The following MAP4K4 variants were observed in gnomAD, a reference collection of about 807,000 sequenced individuals.
MAP4K4 encodes the protein HPK/GCK-like kinase HGK.
Under a neutral mutation model 189.6 loss-of-function variants are expected in MAP4K4, and 38 were observed. That is an observed-to-expected ratio of 0.20 (90% confidence interval 0.15 to 0.26). The LOEUF (loss-of-function observed/expected upper bound fraction) is 0.26. MAP4K4 is among the 10% of genes least tolerant of loss of function. The pLI, the probability that MAP4K4 is intolerant of heterozygous loss-of-function variation, is 1.00. For synonymous variants in MAP4K4, 610 were observed against 624.3 expected (o/e 0.98, Z 0.34); for missense variants, 1,054 against 1,726.9 (o/e 0.61, Z 6.91).
At chr2:101,745,741 G>C (rs145932640) in intron 2 of MAP4K4, among the ~76,000 whole-genome samples, 5 of 152,172 alleles carry the variant, frequency 3.3e-5, no homozygotes, top group African/African-American at 1.2e-4. Flanking sequence ...GGTTAAAACT[G>C]CTTGTCTGGT....
intron 2 of MAP4K4, among the ~76,000 whole-genome samples, chr2:101,714,644 A>G (rs1158595465): frequency 6.6e-6 from 1 of 152,194 alleles, no homozygotes; most frequent in African/African-American, 2.4e-5. Flanking sequence ...CTAAATCAAA[A>G]TGGAAATTAA....
At chr2:101,770,929 C>T (rs538087805) in intron 2 of MAP4K4, among the ~76,000 whole-genome samples, 2 of 152,170 alleles carry the variant, frequency 1.3e-5, no homozygotes, top group Admixed American at 6.5e-5. Flanking sequence ...ACATGCTTCT[C>T]GAGTGTCCTG....
intron 12 of MAP4K4, among the ~76,000 whole-genome samples, chr2:101,855,463 T>C (rs1166974406): frequency 6.6e-6 from 1 of 152,216 alleles, no homozygotes; most frequent in African/African-American, 2.4e-5. Flanking sequence ...AAGCATTTGC[T>C]CAGTAGCAGT....
intron 3 of MAP4K4, among the ~76,000 whole-genome samples, chr2:101,805,254 A>G (rs1295608312): frequency 6.6e-6 from 1 of 152,054 alleles, no homozygotes; most frequent in African/African-American, 2.4e-5. Context: ...GAGTGCCCTG[A>G]TATGCCTCTT....
At chr2:101,698,199 G>A (rs2035533075) in intron 1 of MAP4K4, 62 bp downstream of exon 1, 4 of 564,532 alleles carry the variant, frequency 7.1e-6, no homozygotes, top group South Asian at 6.3e-5. Context: ...AGCCGGGGCC[G>A]CGCCCAGGTC....
rs528914832 is a variant in MAP4K4, at chr2:101,719,763, G to A, written c.123+21225G>A. On this transcript the variant is annotated intron_variant, in intron 2 of 32. Coordinates refer to ENST00000324219, the Ensembl canonical transcript of MAP4K4. ...GTGGTGGCTCACGCCTGTAATCCCA[G>A]TGCACTTGGGGAGGCTGAGGTGGGT... Among the ~76,000 whole-genome samples, 13 of 152,294 alleles carry A rather than the reference G, an allele frequency of 8.5e-5. No homozygotes were observed. In the East Asian group the frequency reaches 1.5e-3, roughly 18 times the overall value.
chr2:101,707,870 T>G (rs2043208832), intron 2 of MAP4K4, among the ~76,000 whole-genome samples: 1 of 151,438 alleles, frequency 6.6e-6, no homozygotes, highest in Non-Finnish European at 1.5e-5. Context: ...TTTTTTTTTT[T>G]TTTGTATTTT....
In MAP4K4 at chr2:101,699,868, C is replaced by T. The variant is rs145064310; in HGVS notation, c.123+1330C>T. ...GATTTTTGAATTTGAAAGAGAGCCC[C>T]GTTAACTCAGCTTGCCCGGCTCAAC... On this transcript the variant is annotated intron_variant, in intron 2 of 32. Coordinates refer to ENST00000324219, the Ensembl canonical transcript of MAP4K4. 1.3e-3 allele frequency among the ~76,000 whole-genome samples: 194 copies of T among 152,228 alleles called. 1 individual carries two copies. The highest frequency in any genetic ancestry group is 4.6e-3 in the African/African-American group (190 of 41,538).
At chr2:101,705,448 A>G (rs2041821956) in intron 2 of MAP4K4, among the ~76,000 whole-genome samples, 1 of 152,208 alleles carries the variant, frequency 6.6e-6, no homozygotes, top group Non-Finnish European at 1.5e-5. Context: ...AACAGCACAT[A>G]CTGCAATGTG....
intron 9 of MAP4K4, among the ~76,000 whole-genome samples, chr2:101,836,745 A>G (rs2096767601): frequency 6.6e-6 from 1 of 152,210 alleles, no homozygotes; most frequent in Non-Finnish European, 1.5e-5. Flanking sequence ...ATTAAACAGA[A>G]TGGTTTTATA....
intron 9 of MAP4K4, among the ~76,000 whole-genome samples, chr2:101,839,532 A>G (rs190143106): frequency 4.1e-4 from 63 of 152,296 alleles, no homozygotes; most frequent in Admixed American, 1.6e-3. Context: ...TTAATGTGCA[A>G]TATTAGATTT....
At chr2:101,730,015 G>C (rs1411031678) in intron 2 of MAP4K4, among the ~76,000 whole-genome samples, 1 of 152,190 alleles carries the variant, frequency 6.6e-6, no homozygotes, top group Non-Finnish European at 1.5e-5. Context: ...GAGTGCTCCA[G>C]CATGAGACGG....
At chr2:101,758,350 C>T (rs1362672411) in intron 2 of MAP4K4, among the ~76,000 whole-genome samples, 1 of 152,112 alleles carries the variant, frequency 6.6e-6, no homozygotes, top group African/African-American at 2.4e-5. Flanking sequence ...CGTTGTGTTA[C>T]TCTCTGTTTG....
chr2:101,874,320 G>C, intron 26 of MAP4K4, 68 bp downstream of exon 26: 1 of 1,392,982 alleles, frequency 7.2e-7, no homozygotes, highest in South Asian at 1.3e-5. Flanking sequence ...TTCTAGAGAA[G>C]TACTGCATTG....
At chr2:101,807,418 A>G (rs1028353240) in intron 3 of MAP4K4, among the ~76,000 whole-genome samples, 2 of 152,116 alleles carry the variant, frequency 1.3e-5, no homozygotes, top group East Asian at 3.9e-4. Context: ...TGATTTGAGG[A>G]ACTGACTACC....
intron 2 of MAP4K4, among the ~76,000 whole-genome samples, chr2:101,770,634 C>T (rs905771113): frequency 2.0e-5 from 3 of 152,168 alleles, no homozygotes; most frequent in Non-Finnish European, 4.4e-5. Flanking sequence ...CTCAGTAATG[C>T]AAATAATATG....
At chr2:101,800,687 G>GT (rs1467778450) in intron 3 of MAP4K4, among the ~76,000 whole-genome samples, 1 of 152,044 alleles carries the variant, frequency 6.6e-6, no homozygotes, top group African/African-American at 2.4e-5. Flanking sequence ...TGGTTTGTAG[G>GT]TTTTTTGTTT....
At chr2:101,813,892 T>C (rs2095572687) in intron 3 of MAP4K4, among the ~76,000 whole-genome samples, 1 of 152,214 alleles carries the variant, frequency 6.6e-6, no homozygotes, top group Admixed American at 6.5e-5. Flanking sequence ...TGTAGTAGTT[T>C]TTCCATTGGG....
intron 3 of MAP4K4, among the ~76,000 whole-genome samples, chr2:101,823,276 C>G (rs1486818636): frequency 6.6e-6 from 1 of 152,126 alleles, no homozygotes; most frequent in Non-Finnish European, 1.5e-5. Flanking sequence ...TTCAATAAAC[C>G]AAGATGCTAG....
Sources: gnomAD v4.1 joint callset for allele counts (sites outside exome capture counted in the v4.1 genomes callset) on GRCh38, gnomAD v4.1.1 for gene constraint, MANE v1.5 for transcripts, NCBI Gene and HGNC (gene_info 2026-07-23, HGNC 2026-07-21) for gene names.